CPM: variants seen among roughly 807,000 people sequenced by gnomAD.
CPM encodes renal carboxypeptidase.
In CPM, 35 loss-of-function variants were observed where a neutral mutation model predicts 46.4. The ratio of observed to expected loss-of-function variants is 0.75; its 90% CI spans 0.58 to 1.00. CPM has a LOEUF of 1.00. CPM is among the 50% of genes least tolerant of loss of function. The probability of loss-of-function intolerance (pLI) is 0.00; values close to 1 mark genes in which losing one functional copy is unlikely to be tolerated. For missense variants in CPM, 422 were observed against 530.4 expected (o/e 0.80, Z 2.01); for synonymous variants, 195 against 195.3 (o/e 1.00, Z 0.01).
chr12:68,927,347 C>T (rs1379925596), intron 2 of CPM, among the ~76,000 whole-genome samples: 1 of 151,600 alleles, frequency 6.6e-6, no homozygotes, highest in African/African-American at 2.4e-5. Flanking sequence ...TGTTTTTTGG[C>T]TGCATAAATG....
chr12:68,932,875 C>G (rs1888570972), intron 1 of CPM, 35 bp from the exon 2 acceptor site: 2 of 1,600,970 alleles, frequency 1.2e-6, no homozygotes, highest in Non-Finnish European at 1.7e-6. Context: ...AACCTGAGAA[C>G]ACATGAGGGC....
chr12:68,864,991 G>A (rs1283071325), intron 7 of CPM, among the ~76,000 whole-genome samples: 1 of 152,062 alleles, frequency 6.6e-6, no homozygotes, highest in African/African-American at 2.4e-5. Context: ...CTCCAGCCTG[G>A]GTGACAGAGT....
intron 1 of CPM, among the ~76,000 whole-genome samples, chr12:68,941,116 T>C (rs1437873215): frequency 3.3e-5 from 5 of 151,906 alleles, no homozygotes; most frequent in Non-Finnish European, 7.4e-5. Context: ...TCTGTTCCAT[T>C]GGTCAATTTG....
At chr12:68,851,164 A>G (rs1023314366), downstream of CPM, 5 of 152,594 alleles carry the variant, frequency 3.3e-5, no homozygotes, top group African/African-American at 1.2e-4. Context: ...CATAATGGGA[A>G]AAAAGCATTA....
chr12:68,949,677 G>A (rs1396226532), intron 1 of CPM, among the ~76,000 whole-genome samples: 1 of 152,214 alleles, frequency 6.6e-6, no homozygotes, highest in Non-Finnish European at 1.5e-5. Flanking sequence ...AGGTTGTGCA[G>A]TAGGTTTTCA....
intron 2 of CPM, among the ~76,000 whole-genome samples, chr12:68,907,016 C>G (rs1258387660): frequency 6.6e-6 from 1 of 152,216 alleles, no homozygotes; most frequent in Non-Finnish European, 1.5e-5. Context: ...TACCTGAAGG[C>G]ACGCTTCTCC....
chr12:68,932,936 C>CT, intron 1 of CPM, 96 bp from the exon 2 acceptor site: 2 of 1,092,038 alleles, frequency 1.8e-6, no homozygotes, highest in Non-Finnish European at 2.7e-6. Context: ...CAGGGTCTCC[C>CT]GACACTGACG....
At chr12:68,909,412 G>T (rs1887486917) in intron 2 of CPM, among the ~76,000 whole-genome samples, 1 of 152,062 alleles carries the variant, frequency 6.6e-6, no homozygotes, top group Non-Finnish European at 1.5e-5. Flanking sequence ...AAAAATTAGT[G>T]TTGGTTAGGA....
At chr12:68,948,465 G>A (rs1166044635) in intron 1 of CPM, among the ~76,000 whole-genome samples, 1 of 151,568 alleles carries the variant, frequency 6.6e-6, no homozygotes. Flanking sequence ...ATTATGTGTT[G>A]TTTAGTTTCT....
At chr12:68,872,228 T>A (rs1026467130) in intron 3 of CPM, among the ~76,000 whole-genome samples, 3 of 146,008 alleles carry the variant, frequency 2.1e-5, no homozygotes, top group African/African-American at 8.0e-5. Flanking sequence ...TAGAGTGGAA[T>A]AATGCTGCTG....
intron 3 of CPM, among the ~76,000 whole-genome samples, chr12:68,879,293 CCT>C (rs748479996): frequency 1.3e-5 from 2 of 152,176 alleles, no homozygotes; most frequent in Non-Finnish European, 2.9e-5. Flanking sequence ...GTCAAGGAAA[CCT>C]GGGTTTGAAC....
chr12:68,895,931 T>G (rs1468992613), intron 2 of CPM, among the ~76,000 whole-genome samples: 1 of 152,214 alleles, frequency 6.6e-6, no homozygotes, highest in African/African-American at 2.4e-5. Flanking sequence ...ATTGATCATA[T>G]GTGAACTGGA....
chr12:68,843,795 C>G (rs1884021893), intron 5 of CPM: 1 of 220,990 alleles, frequency 4.5e-6, no homozygotes, highest in South Asian at 1.8e-4. Flanking sequence ...GTTGATAATA[C>G]TTCAGCTACA....
intron 1 of CPM, among the ~76,000 whole-genome samples, chr12:68,958,080 C>A (rs1480233797): frequency 6.6e-6 from 1 of 152,136 alleles, no homozygotes; most frequent in Non-Finnish European, 1.5e-5. Context: ...TTTTCTTAAT[C>A]CAGTCTATTA....
chr12:68,879,239 A>G (rs1886087406), intron 3 of CPM, among the ~76,000 whole-genome samples: 1 of 152,216 alleles, frequency 6.6e-6, no homozygotes, highest in African/African-American at 2.4e-5. Flanking sequence ...AGCATATTCA[A>G]TAGTTACTCC....
In CPM at chr12:68,852,131, A is replaced by T. The variant is rs980129181; in HGVS notation, c.*4306T>A. The T allele has an allele frequency of 6.6e-6, 1 of 152,240 alleles. No homozygotes were observed. The highest frequency in any genetic ancestry group is 2.4e-5 in the African/African-American group (1 of 41,462). The allele number at this position is 152,240 out of a possible 1,614,324, so 9.4% of individuals were successfully genotyped here. ...ATTTGCTTCTGGAACAAAACATAAC[A>T]TTGATTTCTTGGAAAGACTTTTGGA... On this transcript the variant is annotated 3_prime_UTR_variant, in exon 9 of 9. Coordinates refer to ENST00000551568, the MANE Select transcript of CPM (RefSeq NM_198320.5).
chr12:68,865,273 C>A (rs908847574), intron 7 of CPM, among the ~76,000 whole-genome samples: 14 of 152,186 alleles, frequency 9.2e-5, no homozygotes, highest in African/African-American at 3.4e-4. Context: ...TTCATAACAT[C>A]CCCTATCACA....
intron 2 of CPM, among the ~76,000 whole-genome samples, chr12:68,921,295 C>G (rs1468084495): frequency 6.6e-6 from 1 of 151,912 alleles, no homozygotes; most frequent in Non-Finnish European, 1.5e-5. Flanking sequence ...GCACCTGCCA[C>G]CATGCCCGGC....
chr12:68,912,817 C>A (rs372548379), intron 2 of CPM, among the ~76,000 whole-genome samples: 6 of 152,198 alleles, frequency 3.9e-5, no homozygotes, highest in African/African-American at 1.2e-4. Context: ...ATTGAGCAAG[C>A]CTCAGGGTTT....
Sources: gnomAD v4.1 joint callset for allele counts (sites outside exome capture counted in the v4.1 genomes callset) on GRCh38, gnomAD v4.1.1 for gene constraint, MANE v1.5 for transcripts, NCBI Gene and HGNC (gene_info 2026-07-23, HGNC 2026-07-21) for gene names.